Variants in TRIM54 observed in about 807,000 individuals in gnomAD.
TRIM54 encodes tripartite motif-containing protein 54.
In TRIM54, 40 loss-of-function variants were observed where a neutral mutation model predicts 42.0. That is an observed-to-expected ratio of 0.95 (90% CI 0.74 to 1.24). TRIM54 has a LOEUF of 1.24. Ranked by LOEUF, TRIM54 falls within the 50% of genes most tolerant of loss-of-function variation. TRIM54 has a pLI of 0.00. For missense variants in TRIM54, 485 were observed against 480.3 expected (o/e 1.01, Z -0.09); for synonymous variants, 199 against 194.9 (o/e 1.02, Z -0.17).
In TRIM54 at chr2:27,307,295, G is replaced by A. The variant is rs1356178070; in HGVS notation, c.*410G>A. 2.9e-6 allele frequency: 2 copies of A among 698,020 alleles called. No individual in the cohort carries two copies. The highest frequency in any genetic ancestry group is 2.3e-6 in the Non-Finnish European group (1 of 436,144). The allele number at this position is 698,020 out of a possible 1,614,324, so 43.2% of individuals were successfully genotyped here. On this transcript the variant is annotated 3_prime_UTR_variant, in exon 9 of 9. Coordinates refer to ENST00000380075, the MANE Select transcript of TRIM54 (RefSeq NM_187841.3). The surrounding 1 kb of genome is among the most constrained non-coding windows in gnomAD (Gnocchi z 6.9). Reference sequence around the variant, plus strand: ...GACCTGGCTGAAAGCCGCTGTCTCGGAGCCCCCCACAGCATTTTGTTCCCC... The same window carrying A: ...GACCTGGCTGAAAGCCGCTGTCTCGAAGCCCCCCACAGCATTTTGTTCCCC...
chr2:27,296,682 C>T (rs1023546175), intron 1 of TRIM54, among the ~76,000 whole-genome samples: 10 of 152,166 alleles, frequency 6.6e-5, no homozygotes, highest in African/African-American at 2.4e-4. Context: ...ACAAATTACA[C>T]AAAACATTTG....
intron 1 of TRIM54, among the ~76,000 whole-genome samples, chr2:27,294,666 C>A (rs924157349): frequency 6.6e-6 from 1 of 151,606 alleles, no homozygotes; most frequent in Admixed American, 6.6e-5. Flanking sequence ...CTGAGGTGGG[C>A]GGATCATGAG....
intron 1 of TRIM54, among the ~76,000 whole-genome samples, chr2:27,294,110 A>C (rs1678799895): frequency 6.6e-6 from 1 of 152,022 alleles, no homozygotes; most frequent in Non-Finnish European, 1.5e-5. Context: ...ATTAGCTCTA[A>C]GGGTTTTTTT....
chr2:27,293,550 C>A (rs1338630631), intron 1 of TRIM54, among the ~76,000 whole-genome samples: 3 of 152,142 alleles, frequency 2.0e-5, no homozygotes, highest in Non-Finnish European at 2.9e-5. Context: ...AAGCAGGGCC[C>A]TTATAGAGCT....
Position 27,306,266 on chromosome 2 carries a change from A to G in TRIM54, c.920A>G (p.Glu307Gly), listed in dbSNP as rs1273493795. 2 of 1,614,100 alleles carry G rather than the reference A, an allele frequency of 1.2e-6. No homozygotes were observed. Among genetic ancestry groups the G allele is most frequent in the South Asian group, 2.2e-5 (2 of 91,084 alleles). ...ELAGRPEPGYESMEQFTVRVE... is the reference protein window; with the variant it reads ...ELAGRPEPGYGSMEQFTVRVE... ...GCAGGGCGGCCGGAGCCAGGCTATGAGAGCATGGAGCAATTCACCGTAAGG... is the reference window on the plus strand; with the variant it reads ...GCAGGGCGGCCGGAGCCAGGCTATGGGAGCATGGAGCAATTCACCGTAAGG... The change falls in exon 7 of 9, where the codon GAG becomes GGG. Residue 307 changes from glutamate to glycine, a missense_variant. Coordinates refer to ENST00000380075, the MANE Select transcript of TRIM54 (RefSeq NM_187841.3). The surrounding 1 kb of genome is among the most constrained non-coding windows in gnomAD (Gnocchi z 6.1).
At chr2:27,299,489 C>G (rs113105927) in intron 3 of TRIM54, 73 bp downstream of exon 3, 1 of 1,563,892 alleles carries the variant, frequency 6.4e-7, no homozygotes, top group Admixed American at 1.9e-5. Context: ...CAGCCTCTTA[C>G]TCCACTTATC....
Position 27,306,391 on chromosome 2 carries a change from G to C in TRIM54, c.991+54G>C, listed in dbSNP as rs1679211164. 8.7e-6 allele frequency: 14 copies of C among 1,613,420 alleles called. No individual in the cohort carries two copies. The highest frequency in any genetic ancestry group is 1.2e-5 in the Non-Finnish European group (14 of 1,179,672). On this transcript the variant is annotated intron_variant, in intron 7 of 8. Coordinates refer to ENST00000380075, the MANE Select transcript of TRIM54 (RefSeq NM_187841.3). The surrounding 1 kb of genome is among the most constrained non-coding windows in gnomAD (Gnocchi z 6.1). ...ACGGGTTCGGACCCTCTGTGTGGGG[G>C]GTGCGGCGGGCACGATGGCCGTAAA...
chr2:27,305,398 A>G, intron 4 of TRIM54, 186 bp from the exon 5 acceptor site: 1 of 603,758 alleles, frequency 1.7e-6, no homozygotes, highest in Non-Finnish European at 3.0e-6. Flanking sequence ...GCAATCAGTG[A>G]AGCTACTTTA....
At chr2:27,295,308 A>C (rs1377190299) in intron 1 of TRIM54, among the ~76,000 whole-genome samples, 1 of 151,888 alleles carries the variant, frequency 6.6e-6, no homozygotes, top group African/African-American at 2.4e-5. Flanking sequence ...ATAAGCCCTC[A>C]AAACATATTT....
intron 1 of TRIM54, among the ~76,000 whole-genome samples, chr2:27,284,724 T>TA (rs1233398102): frequency 6.6e-6 from 1 of 152,148 alleles, no homozygotes; most frequent in Non-Finnish European, 1.5e-5. Flanking sequence ...CTCATGAACT[T>TA]ACAGTGAAAC....
chr2:27,294,091 G>A (rs140742544), intron 1 of TRIM54, among the ~76,000 whole-genome samples: 1 of 152,038 alleles, frequency 6.6e-6, no homozygotes, highest in Non-Finnish European at 1.5e-5. Context: ...GAGACTCAGA[G>A]AAATGAATAT....
In TRIM54 at chr2:27,298,595, G is replaced by A. The variant is rs150827251; in HGVS notation, c.197G>A (p.Gly66Asp). 1.9e-6 allele frequency: 3 copies of A among 1,613,972 alleles called. No homozygotes were observed. Among genetic ancestry groups the A allele is most frequent in the African/African-American group, 1.3e-5 (1 of 74,922 alleles). Residue 66 changes from glycine to aspartate, a missense_variant, in exon 2 of 9, where the codon GGC (glycine) becomes GAC (aspartate). Physicochemically the swap from Gly to Asp is moderately conservative, Grantham distance 94. Coordinates refer to ENST00000380075, the MANE Select transcript of TRIM54 (RefSeq NM_187841.3). Reference sequence around the variant, plus strand: ...TCGAATCCTCTATGGCAGTCCCGGGGCTCCACCACTGTGTCTTCAGGAGGC... The same window carrying A: ...TCGAATCCTCTATGGCAGTCCCGGGACTCCACCACTGTGTCTTCAGGAGGC... ...QASNPLWQSR[G>D]STTVSSGGRF...
intron 1 of TRIM54, among the ~76,000 whole-genome samples, chr2:27,283,681 CTT>C (rs201555855): frequency 1.4e-5 from 2 of 139,578 alleles, no homozygotes; most frequent in Admixed American, 7.3e-5. Context: ...TATAAGTGGG[CTT>C]TTTTTTTTTT....
chr2:27,284,649 ACT>A (rs1034949096), intron 1 of TRIM54, among the ~76,000 whole-genome samples: 11 of 152,074 alleles, frequency 7.2e-5, no homozygotes, highest in African/African-American at 2.7e-4. Flanking sequence ...GGTCTAAGTA[ACT>A]CTGAACATCC....
intron 1 of TRIM54, among the ~76,000 whole-genome samples, chr2:27,293,893 C>T (rs970619933): frequency 3.3e-5 from 5 of 151,766 alleles, no homozygotes; most frequent in Admixed American, 1.3e-4. Context: ...CATGGTGGCA[C>T]GTGCCTGTAC....
chr2:27,283,766 A>ACACATGCACGCGCGCGCG (rs1678458425), intron 1 of TRIM54, among the ~76,000 whole-genome samples: 1 of 88,704 alleles, frequency 1.1e-5, no homozygotes. Flanking sequence ...GGGCAAAGGC[A>ACACATGCACGCGCGCGCG]CACACACACA....
chr2:27,306,084 C>T lies in TRIM54; in HGVS notation c.848C>T (p.Ala283Val), dbSNP rs1455614550. The T allele has an allele frequency of 1.2e-6, 2 of 1,613,852 alleles. No homozygotes were observed. Among genetic ancestry groups the T allele is most frequent in the Non-Finnish European group, 1.7e-6 (2 of 1,180,034 alleles). The change falls in exon 6 of 9, where the codon GCC becomes GTC. Residue 283 changes from alanine (A) to valine (V), a missense_variant. Physicochemically the swap from Ala to Val is moderately conservative, Grantham distance 64. Coordinates refer to ENST00000380075, the MANE Select transcript of TRIM54 (RefSeq NM_187841.3). This position sits in a 1 kb window ranked among gnomAD's most constrained non-coding sequence, Gnocchi z 6.1. ...EPQMALYLQQ[A>V]KELINKVGAM... Reference sequence around the variant, plus strand: ...CCCTCCTTTTCTTCCCTGCAGCAGGCCAAGGAGCTGATCAATAAGTGAGTA... The same window carrying T: ...CCCTCCTTTTCTTCCCTGCAGCAGGTCAAGGAGCTGATCAATAAGTGAGTA...
At chr2:27,282,948 G>A (rs938534555) in intron 1 of TRIM54, 49 bp downstream of exon 1, 3 of 1,568,536 alleles carry the variant, frequency 1.9e-6, no homozygotes, top group Non-Finnish European at 1.7e-6. Flanking sequence ...GCAGACCTGT[G>A]GGGGACTGAT....
rs1368649775 is a variant in TRIM54 at position 27,307,113 on chromosome 2, C to T, written c.*228C>T. 8.1e-6 allele frequency: 2 copies of T among 246,318 alleles called. No individual in the cohort carries two copies. Among genetic ancestry groups the T allele is most frequent in the Admixed American group, 5.2e-5 (1 of 19,210 alleles). 15.3% of individuals were successfully genotyped at this position (246,318 alleles called of 1,614,324 possible). A position where few individuals can be genotyped will look rare whatever the true frequency, so the allele number is the denominator to read the frequency against. On this transcript the variant is annotated 3_prime_UTR_variant, in exon 9 of 9. Coordinates refer to ENST00000380075, the MANE Select transcript of TRIM54 (RefSeq NM_187841.3). The surrounding 1 kb of genome is among the most constrained non-coding windows in gnomAD (Gnocchi z 6.9). ...CCAGAACCTGAGACCGTCTGGGGGGCGGAAGCCAAATGAACCCCTATTGGG... is the reference window on the plus strand; with the variant it reads ...CCAGAACCTGAGACCGTCTGGGGGGTGGAAGCCAAATGAACCCCTATTGGG...
Sources: allele counts gnomAD v4.1 joint callset (sites outside exome capture counted in the v4.1 genomes callset), GRCh38; gene constraint gnomAD v4.1.1; non-coding constraint Gnocchi (gnomAD v3.1); transcripts MANE v1.5; gene names NCBI Gene and HGNC (gene_info 2026-07-23, HGNC 2026-07-21).